Variants in UPF1 observed in about 807,000 individuals in gnomAD.
The protein encoded by UPF1 is UPF1 RNA helicase and ATPase, also known as regulator of nonsense transcripts 1.
A neutral mutation model predicts 129.2 loss-of-function variants in UPF1; 9 were observed. The observed-to-expected ratio is 0.07, with a 90% CI of 0.04 to 0.12. The LOEUF (loss-of-function observed/expected upper bound fraction) is 0.12. Ranked by LOEUF, UPF1 falls within the 10% of genes least tolerant of loss-of-function variation. UPF1 has a pLI of 1.00. For synonymous variants in UPF1, 649 were observed against 644.9 expected (o/e 1.01, Z -0.10); for missense variants, 788 against 1,525.3 (o/e 0.52, Z 8.05).
chr19:18,850,471 A>G lies in UPF1; in HGVS notation c.630-217A>G, dbSNP rs921664403. On this transcript the variant is annotated intron_variant, in intron 4 of 23. Coordinates refer to ENST00000262803, the MANE Select transcript of UPF1 (RefSeq NM_002911.4). The surrounding 1 kb of genome is among the most constrained non-coding windows in gnomAD (Gnocchi z 7.1). ...GCGTTCTGGCTAAGTCATAAAAACA[A>G]TTCTGTAAAAACAAAGTCTGTTCTG... Among the ~76,000 whole-genome samples the G allele has an allele frequency of 3.9e-5, 6 of 152,262 alleles. No individual in the cohort carries two copies. The highest frequency in any genetic ancestry group is 2.6e-4 in the Admixed American group (4 of 15,288).
rs796240556 is a variant in UPF1 at position 18,863,188 on chromosome 19, G to A, written c.2601-250G>A. The A allele has an allele frequency of 1.6e-4, 73 of 449,494 alleles. No homozygotes were observed. In the East Asian group the frequency reaches 2.2e-3, roughly 13 times the overall value. The allele number at this position is 449,494 out of a possible 1,614,324, so 27.8% of individuals were successfully genotyped here. On this transcript the variant is annotated intron_variant, in intron 18 of 23. Coordinates refer to ENST00000262803, the MANE Select transcript of UPF1 (RefSeq NM_002911.4). ...TTGACAGCAGGTCTTCTCTCCAAAC[G>A]TATCCACCCAGCCAGGTGTCTGCCA...
intron 3 of UPF1, chr19:18,849,820 T>TA (rs1452168639): frequency 3.9e-5 from 19 of 492,366 alleles, no homozygotes; most frequent in East Asian, 1.2e-4. Flanking sequence ...GCAGGATTTT[T>TA]AAAAAAGGCA....
Position 18,863,484 on chromosome 19 carries a change from C to T in UPF1, c.2647C>T (p.Pro883Ser). 5 of 1,613,858 alleles carry T rather than the reference C, an allele frequency of 3.1e-6. No individual in the cohort carries two copies. Among genetic ancestry groups the T allele is most frequent in the Non-Finnish European group, 3.4e-6 (4 of 1,179,832 alleles). The change falls in exon 19 of 24, where the codon CCG (proline) becomes TCG (serine). Residue 883 changes from proline (P) to serine (S), a missense_variant. Pro to Ser is a moderately conservative substitution (Grantham distance 74). Coordinates refer to ENST00000262803, the MANE Select transcript of UPF1 (RefSeq NM_002911.4). Reference protein sequence around the residue: ...VGNPKALSKQPLWNHLLNYYK... With the variant: ...VGNPKALSKQSLWNHLLNYYK... ...CAACCCGAAGGCACTATCAAAGCAG[C>T]CGCTCTGGAACCACCTGCTGAACTA...
Position 18,864,215 on chromosome 19 carries a change from A to T in UPF1, c.2821A>T (p.Ile941Phe). Reference protein sequence around the residue: ...TTAMYDAREAIIPGSVYDRSS... With the variant: ...TTAMYDAREAFIPGSVYDRSS... ...AGCCATGTATGATGCCCGGGAGGCC[A>T]TCATCCCAGGCTCCGTCTATGATCG... The change falls in exon 20 of 24, where the codon ATC becomes TTC. Residue 941 changes from isoleucine (I) to phenylalanine (F), a missense_variant. Around this residue, in one of 6 missense-constraint regions of UPF1, gnomAD observed 218 missense variants for 318.1 expected, o/e 0.69. Coordinates refer to ENST00000262803, the MANE Select transcript of UPF1 (RefSeq NM_002911.4). The T allele has an allele frequency of 6.2e-7, 1 of 1,613,838 alleles. No individual in the cohort carries two copies. The highest frequency in any genetic ancestry group is 1.1e-5 in the South Asian group (1 of 91,044).
chr19:18,865,973 G>T lies in UPF1; in HGVS notation c.3238-71G>T, dbSNP rs2055839232. On this transcript the variant is annotated intron_variant, in intron 22 of 23. Coordinates refer to ENST00000262803, the MANE Select transcript of UPF1 (RefSeq NM_002911.4). The surrounding 1 kb of genome is among the most constrained non-coding windows in gnomAD (Gnocchi z 6.1). Reference sequence around the variant, plus strand: ...CGGGTTTTCCATTCTTTTCTCTGGGGCTGCTGAGGGCTGGGTGGATGTGAG... The same window carrying T: ...CGGGTTTTCCATTCTTTTCTCTGGGTCTGCTGAGGGCTGGGTGGATGTGAG... 6.2e-7 allele frequency: 1 copy of T among 1,601,230 alleles called. No individual in the cohort carries two copies.
At chr19:18,852,933 A>C in intron 6 of UPF1, 54 bp from the exon 7 acceptor site, 1 of 1,486,720 alleles carries the variant, frequency 6.7e-7, no homozygotes, top group Non-Finnish European at 9.3e-7. Flanking sequence ...TGTGGAGGCC[A>C]GGCCCGGGCC....
At chr19:18,860,463 G>T (rs368434499) in intron 16 of UPF1, 25 bp downstream of exon 16, 15 of 1,605,566 alleles carry the variant, frequency 9.3e-6, no homozygotes, top group Non-Finnish European at 1.3e-5. Context: ...GCCCACCGGC[G>T]TCTGCAGGTC....
chr19:18,851,856 G>A lies in UPF1; in HGVS notation c.811-279G>A, dbSNP rs937957519. Among the ~76,000 whole-genome samples the A allele has an allele frequency of 2.0e-5, 3 of 152,250 alleles. No homozygotes were observed. The highest frequency in any genetic ancestry group is 4.4e-5 in the Non-Finnish European group (3 of 68,038). On this transcript the variant is annotated intron_variant, in intron 5 of 23. Coordinates refer to ENST00000262803, the MANE Select transcript of UPF1 (RefSeq NM_002911.4). The surrounding 1 kb of genome is among the most constrained non-coding windows in gnomAD (Gnocchi z 4.2). Reference sequence around the variant, plus strand: ...CAGGCTGGTGCCTGGGGCTTTGTAGGCAGGTTCACCCAAGTACCGGAACCC... The same window carrying A: ...CAGGCTGGTGCCTGGGGCTTTGTAGACAGGTTCACCCAAGTACCGGAACCC...
At chr19:18,840,957 A>T (rs1191381803) in intron 1 of UPF1, among the ~76,000 whole-genome samples, 1 of 152,196 alleles carries the variant, frequency 6.6e-6, no homozygotes, top group Non-Finnish European at 1.5e-5. Context: ...GACAGTGAGC[A>T]TGGCATCTTC....
Position 18,850,678 on chromosome 19 carries a change from C to G in UPF1, c.630-10C>G. The G allele has an allele frequency of 6.4e-7, 1 of 1,562,754 alleles. No individual in the cohort carries two copies. Among genetic ancestry groups the G allele is most frequent in the Admixed American group, 1.8e-5 (1 of 54,924 alleles). ...GGAGCTGGTCCTCACGGCCCCCTCC[C>G]GCTCTGCAGGCAGCCCTGTGCCAGC... On this transcript the variant is annotated splice_polypyrimidine_tract_variant and intron_variant, in intron 4 of 23. Coordinates refer to ENST00000262803, the MANE Select transcript of UPF1 (RefSeq NM_002911.4). This position sits in a 1 kb window ranked among gnomAD's most constrained non-coding sequence, Gnocchi z 7.1.
At position 18,850,698 on chromosome 19, in the gene UPF1, G is replaced by A. The variant is rs763010435; in HGVS notation, c.640G>A (p.Ala214Thr). The A allele has an allele frequency of 6.3e-7, 1 of 1,593,978 alleles. No individual in the cohort carries two copies. The highest frequency in any genetic ancestry group is 8.6e-7 in the Non-Finnish European group (1 of 1,168,504). The change falls in exon 5 of 24, where the codon GCC becomes ACC. Residue 214 changes from alanine (A) to threonine (T), a missense_variant. Ala to Thr is a moderately conservative substitution (Grantham distance 58, BLOSUM62 0). Transcript: ENST00000262803. The surrounding 1 kb of genome is among the most constrained non-coding windows in gnomAD (Gnocchi z 7.1). ...VVVLLCRQPC[A>T]SQSSLKDINW... Reference sequence around the variant, plus strand: ...CCTCCCGCTCTGCAGGCAGCCCTGTGCCAGCCAGAGCAGCCTCAAGGACAT... The same window carrying A: ...CCTCCCGCTCTGCAGGCAGCCCTGTACCAGCCAGAGCAGCCTCAAGGACAT...
In UPF1 at chr19:18,853,017, C is replaced by G. The variant is rs781438255; in HGVS notation, c.1003C>G (p.Leu335Val). The G allele has an allele frequency of 6.8e-6, 11 of 1,614,150 alleles. No homozygotes were observed. In the Admixed American group the frequency reaches 1.8e-4, roughly 27 times the overall value. Residue 335 changes from leucine to valine, a missense_variant, in exon 7 of 24, where the codon CTG becomes GTG. This residue lies in a region of UPF1 where 227 missense variants were observed against 517.9 expected (regional missense o/e 0.44). Coordinates refer to ENST00000262803, the MANE Select transcript of UPF1 (RefSeq NM_002911.4). The surrounding 1 kb of genome is among the most constrained non-coding windows in gnomAD (Gnocchi z 4.4). ...TQDNITVRWD[L>V]GLNKKRIAYF... ...AGATAACATCACTGTCAGGTGGGAC[C>G]TGGGCCTTAACAAGAAGAGAATCGC...
At chr19:18,861,114 C>T in intron 17 of UPF1, 132 bp downstream of exon 17, 1 of 1,282,102 alleles carries the variant, frequency 7.8e-7, no homozygotes, top group Non-Finnish European at 1.0e-6. Context: ...ACCAGCTGGC[C>T]CACCCTCTGG....
chr19:18,864,621 C>T (rs2055818980), intron 20 of UPF1, among the ~76,000 whole-genome samples: 1 of 151,768 alleles, frequency 6.6e-6, no homozygotes, highest in African/African-American at 2.4e-5. Flanking sequence ...ACAGGGTCTC[C>T]CTATGTTGTC....
chr19:18,835,126 A>G (rs1246196404), intron 1 of UPF1, among the ~76,000 whole-genome samples: 3 of 152,166 alleles, frequency 2.0e-5, no homozygotes, highest in African/African-American at 4.8e-5. Flanking sequence ...GCCCCTGGCA[A>G]CCACTCACCT....
Position 18,864,188 on chromosome 19 carries a change from A to G in UPF1, c.2794A>G (p.Thr932Ala). 2 of 1,613,908 alleles carry G rather than the reference A, an allele frequency of 1.2e-6. No individual in the cohort carries two copies. The highest frequency in any genetic ancestry group is 1.7e-6 in the Non-Finnish European group (2 of 1,179,840). ...TTCGCAGGGAGCCCGCTTCATGACC[A>G]CAGCCATGTATGATGCCCGGGAGGC... Reference protein sequence around the residue: ...TINPGARFMTTAMYDAREAII... With the variant: ...TINPGARFMTAAMYDAREAII... The change falls in exon 20 of 24, where the codon ACA becomes GCA. Residue 932 changes from threonine (T) to alanine (A), a missense_variant. By Grantham distance (58) the Thr-to-Ala change is moderately conservative. Around this residue, in one of 6 missense-constraint regions of UPF1, gnomAD observed 218 missense variants for 318.1 expected, o/e 0.69. Coordinates refer to ENST00000262803, the MANE Select transcript of UPF1 (RefSeq NM_002911.4).
chr19:18,850,869 G>GT lies in UPF1; in HGVS notation c.810+2dup, dbSNP rs1397963642. On this transcript the variant is annotated splice_donor_variant, in intron 5 of 23. Transcript: ENST00000262803. LOFTEE classifies it high-confidence loss of function. This position sits in a 1 kb window ranked among gnomAD's most constrained non-coding sequence, Gnocchi z 7.1. ...CAACAAGCTGGAGGAGCTGTGGAAG[G>GT]TGGGGCTGCCCAGCGGGCCGACCCG... The GT allele has an allele frequency of 6.3e-7, 1 of 1,575,360 alleles. No homozygotes were observed. Among genetic ancestry groups the GT allele is most frequent in the Non-Finnish European group, 8.6e-7 (1 of 1,158,810 alleles).
chr19:18,842,343 G>A (rs1232981771), intron 1 of UPF1, among the ~76,000 whole-genome samples: 3 of 152,240 alleles, frequency 2.0e-5, no homozygotes, highest in East Asian at 1.9e-4. Flanking sequence ...GGCTGGGTGC[G>A]CTCATGAGCC....
chr19:18,846,211 G>T (rs1338988884), intron 2 of UPF1, 92 bp downstream of exon 2: 1 of 1,547,876 alleles, frequency 6.5e-7, no homozygotes, highest in Non-Finnish European at 8.7e-7. Flanking sequence ...GTACAGGGTG[G>T]CGCCCTTGTG....
Sources: gnomAD v4.1 joint callset for allele counts (sites outside exome capture counted in the v4.1 genomes callset) on GRCh38, gnomAD v4.1.1 for gene constraint, gnomAD v4.1.1 regional missense constraint, Gnocchi (gnomAD v3.1) non-coding constraint, MANE v1.5 for transcripts, NCBI Gene and HGNC (gene_info 2026-07-23, HGNC 2026-07-21) for gene names.